Variants in PDK1 observed in about 807,000 individuals in gnomAD.
The protein encoded by PDK1 is pyruvate dehydrogenase kinase 1, also known as [Pyruvate dehydrogenase (acetyl-transferring)] kinase isozyme 1, mitochondrial.
Under a neutral mutation model 54.2 loss-of-function variants are expected in PDK1, and 39 were observed. The observed-to-expected ratio is 0.72, with a 90% CI of 0.56 to 0.94. PDK1 has a LOEUF of 0.94. Ranked by LOEUF, PDK1 falls within the 40% of genes least tolerant of loss-of-function variation. PDK1 has a pLI of 0.00. For synonymous variants in PDK1, 221 were observed against 207.1 expected, an observed-to-expected ratio of 1.07 and a Z score of -0.58; for missense variants, 552 against 566.0, an observed-to-expected ratio of 0.98 and a Z score of 0.25.
the PDK1 span, among the ~76,000 whole-genome samples, chr2:172,637,403 C>A: frequency 6.6e-6 from 1 of 152,052 alleles, no homozygotes; most frequent in Non-Finnish European, 1.5e-5. Flanking sequence ...TACCAAACAG[C>A]CTCAGTTGGC....
At chr2:172,690,046 CT>C in the PDK1 span, among the ~76,000 whole-genome samples, 2 of 150,296 alleles carry the variant, frequency 1.3e-5, no homozygotes, top group Non-Finnish European at 3.0e-5. Context: ...AAGAAACTAC[CT>C]TCAGAGTGAA....
chr2:172,648,743 G>T, the PDK1 span, among the ~76,000 whole-genome samples: 1 of 152,218 alleles, frequency 6.6e-6, no homozygotes, highest in Non-Finnish European at 1.5e-5. Flanking sequence ...TGCTAGCACA[G>T]CAGTCTGAGA....
the PDK1 span, among the ~76,000 whole-genome samples, chr2:172,668,117 T>C: frequency 3.3e-5 from 5 of 152,218 alleles, no homozygotes; most frequent in African/African-American, 1.2e-4. Context: ...TTCTGTTTTC[T>C]GGACTTGCAA....
chr2:172,624,211 A>AG, the PDK1 span, among the ~76,000 whole-genome samples: 1 of 152,166 alleles, frequency 6.6e-6, no homozygotes, highest in African/African-American at 2.4e-5. Flanking sequence ...AGAGATGCTA[A>AG]GAGAATGGTT....
chr2:172,665,926 C>T, the PDK1 span, among the ~76,000 whole-genome samples: 5 of 152,116 alleles, frequency 3.3e-5, no homozygotes, highest in African/African-American at 1.2e-4. Context: ...CCTGGAGAAG[C>T]AGCAGTTATT....
intron 9 of PDK1, among the ~76,000 whole-genome samples, chr2:172,591,240 T>C (rs1051954902): frequency 4.6e-5 from 7 of 152,144 alleles, no homozygotes; most frequent in African/African-American, 1.7e-4. Flanking sequence ...TCACAGGACC[T>C]AGAAAGGGGA....
the PDK1 span, among the ~76,000 whole-genome samples, chr2:172,719,333 G>A: frequency 4.6e-5 from 7 of 152,176 alleles, no homozygotes; most frequent in African/African-American, 1.7e-4. Flanking sequence ...AAATGGTTAA[G>A]AGAGGATAGC....
At chr2:172,660,533 A>G in the PDK1 span, among the ~76,000 whole-genome samples, 1 of 152,134 alleles carries the variant, frequency 6.6e-6, no homozygotes, top group Non-Finnish European at 1.5e-5. Context: ...CTAAGATTAC[A>G]GGTGTGAGCC....
chr2:172,643,568 A>G, the PDK1 span, among the ~76,000 whole-genome samples: 21 of 152,302 alleles, frequency 1.4e-4, 1 homozygote, highest in East Asian at 2.3e-3. Flanking sequence ...CCTTAGGTCT[A>G]TCTTCCTGGG....
chr2:172,636,566 C>A, the PDK1 span, among the ~76,000 whole-genome samples: 1 of 152,084 alleles, frequency 6.6e-6, no homozygotes, highest in South Asian at 2.1e-4. Context: ...ACTAAAAATA[C>A]AAAAATTAGC....
intron 2 of PDK1, among the ~76,000 whole-genome samples, chr2:172,560,433 G>T (rs1688594965): frequency 6.6e-6 from 1 of 152,202 alleles, no homozygotes; most frequent in Non-Finnish European, 1.5e-5. Flanking sequence ...TTCACAAAGT[G>T]TTGGTATTAC....
intron 8 of PDK1, 91 bp from the exon 9 acceptor site, chr2:172,586,187 C>G: frequency 4.2e-6 from 3 of 716,118 alleles, no homozygotes; most frequent in Non-Finnish European, 7.3e-6. Flanking sequence ...CGCTCTCCCA[C>G]CAGCAGTTAA....
At chr2:172,702,896 C>T in the PDK1 span, among the ~76,000 whole-genome samples, 1 of 152,094 alleles carries the variant, frequency 6.6e-6, no homozygotes, top group Admixed American at 6.6e-5. Context: ...ATGGTTTATT[C>T]CATCTCATTG....
the PDK1 span, among the ~76,000 whole-genome samples, chr2:172,633,396 T>C: frequency 6.7e-6 from 1 of 149,448 alleles, no homozygotes; most frequent in Non-Finnish European, 1.5e-5. Flanking sequence ...TTTTTTTTTT[T>C]TTTTTTTTGG....
chr2:172,654,525 C>G, the PDK1 span, among the ~76,000 whole-genome samples: 1 of 151,334 alleles, frequency 6.6e-6, no homozygotes, highest in Non-Finnish European at 1.5e-5. Flanking sequence ...AAACCAAACA[C>G]TGCATGTTCT....
At chr2:172,707,378 T>G in the PDK1 span, among the ~76,000 whole-genome samples, 1 of 152,268 alleles carries the variant, frequency 6.6e-6, no homozygotes, top group Admixed American at 6.5e-5. Flanking sequence ...GGACCACAGT[T>G]TGTCTAGGAT....
intron 8 of PDK1, among the ~76,000 whole-genome samples, chr2:172,573,955 AT>A (rs965358127): frequency 1.4e-4 from 21 of 151,304 alleles, no homozygotes; most frequent in African/African-American, 3.2e-4. Flanking sequence ...AAAATTTTCA[AT>A]TTTTTTTTCA....
the PDK1 span, among the ~76,000 whole-genome samples, chr2:172,686,905 T>C: frequency 6.6e-6 from 1 of 152,220 alleles, no homozygotes; most frequent in African/African-American, 2.4e-5. Flanking sequence ...ACAACTAAAA[T>C]GAACTTAATC....
At chr2:172,710,351 A>G in the PDK1 span, among the ~76,000 whole-genome samples, 30 of 152,384 alleles carry the variant, frequency 2.0e-4, no homozygotes, top group South Asian at 1.9e-3. Flanking sequence ...CATAATTCAA[A>G]GTACTCTTAA....
Sources: allele counts gnomAD v4.1 joint callset (sites outside exome capture counted in the v4.1 genomes callset), GRCh38; gene constraint gnomAD v4.1.1; transcripts MANE v1.5; gene names NCBI Gene and HGNC (gene_info 2026-07-23, HGNC 2026-07-21).